PLCB4: variants seen among roughly 807,000 people sequenced by gnomAD.
The protein encoded by PLCB4 is 1-phosphatidylinositol 4,5-bisphosphate phosphodiesterase beta-4.
Under a neutral mutation model 178.8 loss-of-function variants are expected in PLCB4, and 77 were observed. The observed-to-expected ratio is 0.43, with a 90% CI of 0.36 to 0.52. The LOEUF is 0.52. Ranked by LOEUF, PLCB4 falls within the 20% of genes least tolerant of loss-of-function variation. PLCB4 has a pLI of 0.00. For synonymous variants in PLCB4, 496 were observed against 490.8 expected, an observed-to-expected ratio of 1.01 and a Z score of -0.14; for missense variants, 1,024 against 1,453.4, an observed-to-expected ratio of 0.70 and a Z score of 4.80.
chr20:9,238,756 A>C (rs2094022603), intron 3 of PLCB4, among the ~76,000 whole-genome samples: 1 of 152,260 alleles, frequency 6.6e-6, no homozygotes, highest in South Asian at 2.1e-4. Context: ...TGTATCAAAA[A>C]GTACCCTCCT....
intron 7 of PLCB4, among the ~76,000 whole-genome samples, chr20:9,359,494 A>T (rs550753072): frequency 6.6e-6 from 1 of 152,346 alleles, no homozygotes; most frequent in Non-Finnish European, 1.5e-5. Flanking sequence ...AAGGTTAAAA[A>T]AATGGGAGAA....
At chr20:9,075,389 A>G (rs2089806456) in intron 1 of PLCB4, among the ~76,000 whole-genome samples, 1 of 152,234 alleles carries the variant, frequency 6.6e-6, no homozygotes, top group Non-Finnish European at 1.5e-5. Context: ...AGGATAAAAC[A>G]ATGCATTCTT....
At chr20:9,077,543 A>G (rs1464198265) in intron 1 of PLCB4, among the ~76,000 whole-genome samples, 1 of 152,202 alleles carries the variant, frequency 6.6e-6, no homozygotes, top group Non-Finnish European at 1.5e-5. Flanking sequence ...TATGTCCTTA[A>G]AATCCCTTGA....
At chr20:9,467,135 T>C (rs935123160) in intron 35 of PLCB4, among the ~76,000 whole-genome samples, 3 of 152,186 alleles carry the variant, frequency 2.0e-5, no homozygotes, top group Admixed American at 2.0e-4. Context: ...TGCAGAGACA[T>C]GGATGAAGCT....
chr20:9,100,183 G>A (rs2091087449), intron 2 of PLCB4, among the ~76,000 whole-genome samples: 2 of 152,134 alleles, frequency 1.3e-5, no homozygotes, highest in African/African-American at 4.8e-5. Context: ...GACCATGGTG[G>A]CAGGTCCAGA....
chr20:9,363,006 T>C (rs1939406362), intron 8 of PLCB4, 31 bp downstream of exon 8: 3 of 1,479,842 alleles, frequency 2.0e-6, no homozygotes, highest in African/African-American at 2.8e-5. Context: ...TCGTTTTTCT[T>C]GGCAGTTATC....
intron 4 of PLCB4, among the ~76,000 whole-genome samples, chr20:9,333,772 G>A (rs373593557): frequency 3.3e-5 from 5 of 152,064 alleles, no homozygotes; most frequent in Admixed American, 6.6e-5. Context: ...GTGTGTATTC[G>A]AAATATTATA....
intron 4 of PLCB4, among the ~76,000 whole-genome samples, chr20:9,330,736 G>A (rs1002485879): frequency 6.6e-5 from 10 of 152,160 alleles, no homozygotes; most frequent in African/African-American, 2.4e-4. Context: ...CACATTTCAA[G>A]TGCTCCCTGT....
chr20:9,179,572 A>C (rs892533517), intron 2 of PLCB4, among the ~76,000 whole-genome samples: 1 of 152,212 alleles, frequency 6.6e-6, no homozygotes, highest in East Asian at 1.9e-4. Flanking sequence ...CTAGTTTGTG[A>C]ATTTTATTAC....
At chr20:9,245,744 T>TC (rs2094118432) in intron 3 of PLCB4, among the ~76,000 whole-genome samples, 1 of 151,398 alleles carries the variant, frequency 6.6e-6, no homozygotes, top group East Asian at 1.9e-4. Flanking sequence ...TGGGTTTTTT[T>TC]TTTTTCCAGC....
intron 7 of PLCB4, among the ~76,000 whole-genome samples, chr20:9,361,038 G>C (rs2035280578): frequency 6.6e-6 from 1 of 152,172 alleles, no homozygotes; most frequent in South Asian, 2.1e-4. Context: ...CTGAGCAAAA[G>C]GGTTCCCTTG....
At chr20:9,454,794 T>A (rs1354118976) in intron 33 of PLCB4, among the ~76,000 whole-genome samples, 1 of 152,196 alleles carries the variant, frequency 6.6e-6, no homozygotes, top group Non-Finnish European at 1.5e-5. Context: ...CAGGCCTCAC[T>A]ATTTGAGAGG....
intron 7 of PLCB4, among the ~76,000 whole-genome samples, chr20:9,347,419 G>A (rs2033914053): frequency 6.6e-6 from 1 of 152,166 alleles, no homozygotes; most frequent in Admixed American, 6.5e-5. Context: ...CATAGCTATA[G>A]ACATCAGGCA....
intron 4 of PLCB4, among the ~76,000 whole-genome samples, chr20:9,313,924 A>G (rs2094867636): frequency 6.6e-6 from 1 of 152,030 alleles, no homozygotes. Context: ...GTGGTGTGAG[A>G]GGAGAGGAAG....
rs186625528 is a variant in PLCB4 at position 9,275,182 on chromosome 20, A to T, written c.-15-32618A>T. Among the ~76,000 whole-genome samples, 536 of 152,168 alleles carry T rather than the reference A, an allele frequency of 3.5e-3. 2 individuals carry two copies. The highest frequency in any genetic ancestry group is 0.012 in the African/African-American group (493 of 41,552). ...TCCACATGGATGGGGAGGTCTCACA[A>T]TCATGGCGGAGGGCACAAGGCACTT... is the stretch of plus-strand genomic sequence containing the variant. On this transcript the variant is annotated intron_variant, in intron 3 of 39. Transcript: ENST00000378473.
chr20:9,473,990 G>A (rs1394488862), intron 38 of PLCB4, among the ~76,000 whole-genome samples: 3 of 152,124 alleles, frequency 2.0e-5, no homozygotes, highest in Non-Finnish European at 2.9e-5. Context: ...AGGCCGAGGA[G>A]GGTGGATCAG....
At chr20:9,298,028 T>C (rs1397211906) in intron 3 of PLCB4, among the ~76,000 whole-genome samples, 1 of 152,102 alleles carries the variant, frequency 6.6e-6, no homozygotes, top group East Asian at 1.9e-4. Flanking sequence ...CTGAGTATTT[T>C]GAGATAAAGG....
chr20:9,365,473 G>A lies in PLCB4; in HGVS notation c.462G>A (p.Leu154=), dbSNP rs142392531. 421 of 1,606,242 alleles carry A rather than the reference G, an allele frequency of 2.6e-4. No individual in the cohort carries two copies. The highest frequency in any genetic ancestry group is 1.8e-3 in the Middle Eastern group (11 of 6,040). ...TATTGTTTTGCAGCTGGATGAAATT[G>A]GCATTTATGACCAACACAAATGGTA... ...MTCLKKHWMK[L]AFMTNTNGKI... Residue 154 remains leucine, a synonymous_variant, in exon 9 of 40, where the codon TTG becomes TTA. Transcript: ENST00000378473.
intron 30 of PLCB4, 91 bp from the exon 31 acceptor site, chr20:9,443,890 C>T (rs1262442952): frequency 2.9e-5 from 21 of 730,192 alleles, no homozygotes; most frequent in Admixed American, 7.5e-5. Flanking sequence ...CAAAGTCTTT[C>T]GATGAGATTT....
Sources: allele counts gnomAD v4.1 joint callset (sites outside exome capture counted in the v4.1 genomes callset), GRCh38; gene constraint gnomAD v4.1.1; transcripts MANE v1.5; gene names NCBI Gene and HGNC (gene_info 2026-07-23, HGNC 2026-07-21).